ENOX1: variants seen among roughly 807,000 people sequenced by gnomAD.
ENOX1 encodes the protein ecto-NOX disulfide-thiol exchanger 1.
ENOX1 carries 42 observed loss-of-function variants against 82.5 expected under a neutral mutation model. The ratio of observed to expected loss-of-function variants is 0.51; its 90% CI spans 0.40 to 0.66. The LOEUF (loss-of-function observed/expected upper bound fraction) is 0.66, where lower values mean the gene tolerates loss of function less well. Ranked by LOEUF, ENOX1 falls within the 30% of genes least tolerant of loss-of-function variation. The pLI, the probability that ENOX1 is intolerant of heterozygous loss-of-function variation, is 0.00. For missense variants in ENOX1, 608 were observed against 811.6 expected (o/e 0.75, Z 3.05); for synonymous variants, 271 against 282.2 (o/e 0.96, Z 0.40).
intron 3 of ENOX1, among the ~76,000 whole-genome samples, chr13:43,443,971 C>T (rs549014927): frequency 9.0e-4 from 137 of 152,194 alleles, no homozygotes; most frequent in Non-Finnish European, 1.4e-3. Flanking sequence ...TCTTCTCCCA[C>T]GGATCCTAGC....
intron 1 of ENOX1, among the ~76,000 whole-genome samples, chr13:43,714,364 G>A (rs989247407): frequency 5.9e-5 from 9 of 152,160 alleles, no homozygotes; most frequent in Non-Finnish European, 1.2e-4. Flanking sequence ...TAGATGTGGT[G>A]TGGTGCTGAA....
At chr13:43,625,547 C>T (rs1290839960) in intron 2 of ENOX1, among the ~76,000 whole-genome samples, 2 of 151,926 alleles carry the variant, frequency 1.3e-5, no homozygotes, top group East Asian at 3.8e-4. Context: ...GAATTTTCAT[C>T]ATAAATAAGT....
chr13:43,645,232 A>G (rs2153771529), intron 2 of ENOX1, among the ~76,000 whole-genome samples: 1 of 152,272 alleles, frequency 6.6e-6, no homozygotes, highest in Admixed American at 6.5e-5. Context: ...ATCATCGCTC[A>G]TGGCAGTCTC....
At chr13:43,463,863 T>G (rs137864274) in intron 3 of ENOX1, among the ~76,000 whole-genome samples, 1 of 152,338 alleles carries the variant, frequency 6.6e-6, no homozygotes, top group African/African-American at 2.4e-5. Flanking sequence ...CCAATTTCAA[T>G]AAAATTGCTA....
At chr13:43,586,830 TGAGGCAGGTGGATCAC>T (rs1379688274) in intron 2 of ENOX1, among the ~76,000 whole-genome samples, 3 of 151,662 alleles carry the variant, frequency 2.0e-5, no homozygotes, top group Admixed American at 2.0e-4. Context: ...TTTGGGAGGC[TGAGGCAGGTGGATCAC>T]GAGATCAGGA....
intron 3 of ENOX1, among the ~76,000 whole-genome samples, chr13:43,471,353 A>T (rs1211122912): frequency 2.6e-5 from 4 of 152,174 alleles, no homozygotes; most frequent in African/African-American, 9.6e-5. Flanking sequence ...AGGCAGATAC[A>T]TTTGTCAGAA....
At chr13:43,756,209 T>TTGAGCCCAGGAGTG in intron 1 of ENOX1, among the ~76,000 whole-genome samples, 1 of 152,126 alleles carries the variant, frequency 6.6e-6, no homozygotes, top group Non-Finnish European at 1.5e-5. Flanking sequence ...GGTGGATCAC[T>TTGAGCCCAGGAGTG]TGAGCCCAGG....
At chr13:43,484,934 G>GA (rs1035519606) in intron 2 of ENOX1, among the ~76,000 whole-genome samples, 4 of 152,248 alleles carry the variant, frequency 2.6e-5, no homozygotes, top group Non-Finnish European at 5.9e-5. Context: ...TTTGGTGTGG[G>GA]ATTACATGCA....
chr13:43,531,536 A>G (rs1163661286), intron 2 of ENOX1, among the ~76,000 whole-genome samples: 1 of 149,080 alleles, frequency 6.7e-6, no homozygotes. Flanking sequence ...GGGATCTAGA[A>G]CTAGAAATAC....
At chr13:43,682,691 A>G (rs181465656) in intron 1 of ENOX1, among the ~76,000 whole-genome samples, 52 of 151,578 alleles carry the variant, frequency 3.4e-4, no homozygotes, top group Admixed American at 1.3e-3. Flanking sequence ...AAGGAAGGGG[A>G]AAAAAAACCA....
chr13:43,436,931 C>A (rs766294155), intron 3 of ENOX1, among the ~76,000 whole-genome samples: 33 of 152,088 alleles, frequency 2.2e-4, no homozygotes, highest in Non-Finnish European at 4.0e-4. Context: ...ACAATAATTT[C>A]TCTGATGAAT....
intron 12 of ENOX1, among the ~76,000 whole-genome samples, chr13:43,284,354 CTGAAAAA>C (rs544163152): frequency 7.3e-5 from 11 of 151,688 alleles, no homozygotes; most frequent in Admixed American, 1.3e-4. Flanking sequence ...GTTTAAATGA[CTGAAAAA>C]TGTGTAACAC....
chr13:43,470,249 C>T (rs79241050), intron 3 of ENOX1, among the ~76,000 whole-genome samples: 1,274 of 51,292 alleles, frequency 0.025, 26 homozygotes, highest in Non-Finnish European at 0.034. Flanking sequence ...TATATATATA[C>T]ATATATATAT....
chr13:43,378,416 T>G (rs2051794868), intron 5 of ENOX1, among the ~76,000 whole-genome samples: 1 of 152,132 alleles, frequency 6.6e-6, no homozygotes, highest in Non-Finnish European at 1.5e-5. Flanking sequence ...AAGTCTTGAG[T>G]TGAGAACTAA....
intron 1 of ENOX1, among the ~76,000 whole-genome samples, chr13:43,741,579 G>A (rs1027921742): frequency 2.0e-5 from 3 of 151,966 alleles, no homozygotes; most frequent in African/African-American, 4.8e-5. Flanking sequence ...GCCCATTTTC[G>A]AATTGTGTTA....
chr13:43,508,744 A>T (rs1262955727), intron 2 of ENOX1, among the ~76,000 whole-genome samples: 1 of 151,966 alleles, frequency 6.6e-6, no homozygotes, highest in East Asian at 1.9e-4. Flanking sequence ...TACACATGCA[A>T]TACTTGATTC....
chr13:43,261,864 A>G (rs937528637), intron 14 of ENOX1, among the ~76,000 whole-genome samples: 2 of 143,372 alleles, frequency 1.4e-5, no homozygotes, highest in African/African-American at 5.2e-5. Flanking sequence ...GGGGAGGGAT[A>G]GCATTGGGAG....
chr13:43,333,188 A>T lies in ENOX1; in HGVS notation c.1037-6663T>A, dbSNP rs953076700. ...CCTTACATAAATATCTTTATAAAAA[A>T]TTCTTAGCAGTAGAAAGGCTAGATA... On this transcript the variant is annotated intron_variant, in intron 9 of 16. Coordinates refer to ENST00000690772, the MANE Select transcript of ENOX1 (RefSeq NM_001347969.2). 7.2e-5 allele frequency among the ~76,000 whole-genome samples: 11 copies of T among 152,248 alleles called. No individual in the cohort carries two copies. In the South Asian group the frequency reaches 1.2e-3, roughly 17 times the overall value.
At chr13:43,479,324 G>GA (rs200583070) in intron 3 of ENOX1, among the ~76,000 whole-genome samples, 10 of 121,558 alleles carry the variant, frequency 8.2e-5, no homozygotes, top group East Asian at 2.0e-4. Context: ...AAAAGCAAGT[G>GA]AAAAAAACAA....
Sources: allele counts gnomAD v4.1 joint callset (sites outside exome capture counted in the v4.1 genomes callset), GRCh38; gene constraint gnomAD v4.1.1; transcripts MANE v1.5; gene names NCBI Gene and HGNC (gene_info 2026-07-23, HGNC 2026-07-21).